The following ZFR variants were observed in gnomAD, a reference collection of about 807,000 sequenced individuals.
ZFR encodes zinc finger RNA binding protein, also known as zinc finger RNA-binding protein.
In ZFR, 19 loss-of-function variants were observed where a neutral mutation model predicts 130.7. The ratio of observed to expected loss-of-function variants is 0.15; its 90% CI spans 0.10 to 0.21. ZFR has a LOEUF of 0.21. Among genes scored for constraint, ZFR ranks in the 10% least tolerant of loss-of-function variants. The probability of loss-of-function intolerance (pLI) is 1.00; values close to 1 mark genes in which losing one functional copy is unlikely to be tolerated. For synonymous variants in ZFR, 466 were observed against 456.9 expected, an observed-to-expected ratio of 1.02 and a Z score of -0.25; for missense variants, 872 against 1,321.5, an observed-to-expected ratio of 0.66 and a Z score of 5.27.
intron 15 of ZFR, among the ~76,000 whole-genome samples, chr5:32,380,894 C>T (rs189683844): frequency 6.6e-6 from 1 of 151,456 alleles, no homozygotes; most frequent in African/African-American, 2.4e-5. Context: ...AAGTGATACA[C>T]CCGCCTCGGC....
At position 32,417,679 on chromosome 5, in the gene ZFR, C is replaced by T. The variant is rs564556760; in HGVS notation, c.534G>A (p.Gln178=). ...AAAVAAAAQP[Q]PSVAETYYQT... is the part of the protein sequence containing the mutation. Reference sequence around the variant, plus strand: ...GATAGTAAGTTTCAGCAACAGAAGGCTGAGGTTGGGCAGCGGCAGCTACAG... The same window carrying T: ...GATAGTAAGTTTCAGCAACAGAAGGTTGAGGTTGGGCAGCGGCAGCTACAG... The change falls in exon 4 of 20, where the codon CAG becomes CAA. Residue 178 remains glutamine (Q), a synonymous_variant. Coordinates refer to ENST00000265069, the MANE Select transcript of ZFR (RefSeq NM_016107.5). 5.5e-4 allele frequency: 883 copies of T among 1,613,766 alleles called. 8 individuals are homozygous for T. The South Asian group carries it at 8.9e-3, about 16-fold the overall frequency.
chr5:32,382,203 T>C (rs1307161740), intron 15 of ZFR, among the ~76,000 whole-genome samples: 2 of 152,004 alleles, frequency 1.3e-5, no homozygotes, highest in Non-Finnish European at 2.9e-5. Flanking sequence ...CTCAGCTACT[T>C]GGGAGGCTGA....
intron 17 of ZFR, among the ~76,000 whole-genome samples, chr5:32,366,048 C>G (rs1752540327): frequency 6.6e-6 from 1 of 152,150 alleles, no homozygotes; most frequent in Non-Finnish European, 1.5e-5. Context: ...ACTTGAGACC[C>G]TTGAGGATAA....
intron 2 of ZFR, among the ~76,000 whole-genome samples, chr5:32,427,922 A>G (rs183322769): frequency 1.3e-5 from 2 of 152,338 alleles, no homozygotes; most frequent in African/African-American, 4.8e-5. Flanking sequence ...ACGAAAAGGA[A>G]AAAAGCTGGA....
intron 2 of ZFR, among the ~76,000 whole-genome samples, chr5:32,442,341 T>C (rs191010539): frequency 1.3e-5 from 2 of 152,368 alleles, no homozygotes; most frequent in South Asian, 2.1e-4. Flanking sequence ...TTTCCTCTCC[T>C]TGAAAATTAT....
At position 32,355,687 on chromosome 5, in the gene ZFR, A is replaced by T; in HGVS notation, c.*73T>A. The T allele has an allele frequency of 7.5e-7, 1 of 1,339,600 alleles. No individual in the cohort carries two copies. Among genetic ancestry groups the T allele is most frequent in the Non-Finnish European group, 1.0e-6 (1 of 991,826 alleles). 83.0% of individuals were successfully genotyped at this position (1,339,600 alleles called of 1,614,324 possible). ...ATTCTTGATAAATTTTTCAATGTAGACATTATTATGAATGAAAAACAGCCA... is the reference window on the plus strand; with the variant it reads ...ATTCTTGATAAATTTTTCAATGTAGTCATTATTATGAATGAAAAACAGCCA... On this transcript the variant is annotated 3_prime_UTR_variant, in exon 20 of 20. Transcript: ENST00000265069.
chr5:32,400,270 A>G (rs1456346489), intron 8 of ZFR, 67 bp from the exon 9 acceptor site: 2 of 1,176,544 alleles, frequency 1.7e-6, no homozygotes, highest in Non-Finnish European at 2.2e-6. Context: ...TGATAAGACG[A>G]AAACTTCAGA....
At position 32,399,902 on chromosome 5, in the gene ZFR, T is replaced by C. The variant is rs186411196; in HGVS notation, c.1713+105A>G. ...TTTAATATTCTTTAAGTAAGCTAAA[T>C]CTAAAATACAATTAAGTATATTTAA... is the stretch of plus-strand genomic sequence containing the variant. On this transcript the variant is annotated intron_variant, in intron 9 of 19. Transcript: ENST00000265069. 358 of 1,056,884 alleles carry C rather than the reference T, an allele frequency of 3.4e-4. 2 individuals carry two copies. In the African/African-American group the frequency reaches 5.0e-3, roughly 15 times the overall value. The allele number at this position is 1,056,884 out of a possible 1,614,324, so 65.5% of individuals were successfully genotyped here.
intron 5 of ZFR, among the ~76,000 whole-genome samples, chr5:32,411,644 G>C (rs1753710526): frequency 7.8e-6 from 1 of 128,918 alleles, no homozygotes; most frequent in Non-Finnish European, 1.6e-5. Context: ...AGTCGAGATT[G>C]CGCCACTGCA....
chr5:32,360,496 T>C (rs1287284566), intron 19 of ZFR, among the ~76,000 whole-genome samples: 1 of 152,204 alleles, frequency 6.6e-6, no homozygotes, highest in Non-Finnish European at 1.5e-5. Flanking sequence ...ATAGCATGTG[T>C]CAGTACTTTC....
chr5:32,376,650 G>T (rs1752818248), intron 17 of ZFR, among the ~76,000 whole-genome samples: 1 of 150,574 alleles, frequency 6.6e-6, no homozygotes, highest in African/African-American at 2.4e-5. Context: ...GAACTAATTT[G>T]TCAAAATACA....
chr5:32,442,440 A>G (rs1754495471), intron 2 of ZFR, among the ~76,000 whole-genome samples: 1 of 152,238 alleles, frequency 6.6e-6, no homozygotes, highest in African/African-American at 2.4e-5. Flanking sequence ...GAATTTTTTA[A>G]AAGTCCTAAA....
At chr5:32,427,610 T>A (rs1754103090) in intron 2 of ZFR, among the ~76,000 whole-genome samples, 1 of 152,142 alleles carries the variant, frequency 6.6e-6, no homozygotes, top group South Asian at 2.1e-4. Context: ...AAAATCCCAG[T>A]GATTTTTTTT....
At chr5:32,391,075 A>G (rs1335065617) in intron 11 of ZFR, among the ~76,000 whole-genome samples, 1 of 152,210 alleles carries the variant, frequency 6.6e-6, no homozygotes, top group Non-Finnish European at 1.5e-5. Context: ...AAATATAGAA[A>G]AGAACGTTCC....
intron 9 of ZFR, among the ~76,000 whole-genome samples, chr5:32,398,910 G>A (rs1326203053): frequency 6.6e-6 from 1 of 151,996 alleles, no homozygotes; most frequent in Non-Finnish European, 1.5e-5. Flanking sequence ...TTACAGGCGT[G>A]AGCCACTGTG....
At chr5:32,393,945 C>A (rs1753238366) in intron 11 of ZFR, among the ~76,000 whole-genome samples, 1 of 152,124 alleles carries the variant, frequency 6.6e-6, no homozygotes, top group African/African-American at 2.4e-5. Context: ...TAAGGAAACA[C>A]TGGAAACTAC....
At chr5:32,419,735 G>C in intron 3 of ZFR, 86 bp downstream of exon 3, 1 of 1,485,660 alleles carries the variant, frequency 6.7e-7, no homozygotes, top group Non-Finnish European at 8.9e-7. Flanking sequence ...CCCCAAGTTT[G>C]AGAAGCAATG....
chr5:32,424,724 A>G (rs1754034399), intron 2 of ZFR, among the ~76,000 whole-genome samples: 1 of 152,220 alleles, frequency 6.6e-6, no homozygotes, highest in Non-Finnish European at 1.5e-5. Context: ...GTAAAATGGA[A>G]CACATTAGAA....
intron 4 of ZFR, 98 bp downstream of exon 4, chr5:32,417,550 A>T (rs1485561875): frequency 6.8e-7 from 1 of 1,465,842 alleles, no homozygotes; most frequent in Non-Finnish European, 9.3e-7. Flanking sequence ...ATGATGTGAT[A>T]TGAGTTTAGA....
Sources: allele counts gnomAD v4.1 joint callset (sites outside exome capture counted in the v4.1 genomes callset), GRCh38; gene constraint gnomAD v4.1.1; transcripts MANE v1.5; gene names NCBI Gene and HGNC (gene_info 2026-07-23, HGNC 2026-07-21).